ADCY9: variants seen among roughly 807,000 people sequenced by gnomAD.
The protein encoded by ADCY9 is adenylate cyclase type 9.
Under a neutral mutation model 101.5 loss-of-function variants are expected in ADCY9, and 50 were observed. The observed-to-expected ratio is 0.49, with a 90% confidence interval of 0.39 to 0.62. The LOEUF is 0.62. ADCY9 is among the 20% of genes least tolerant of loss of function. ADCY9 has a pLI of 0.00. For synonymous variants in ADCY9, 905 were observed against 769.3 expected, an observed-to-expected ratio of 1.18 and a Z score of -2.92; for missense variants, 1,662 against 1,800.4, an observed-to-expected ratio of 0.92 and a Z score of 1.39.
intron 10 of ADCY9, among the ~76,000 whole-genome samples, chr16:3,968,037 C>T (rs903459399): frequency 2.4e-4 from 36 of 152,102 alleles, no homozygotes; most frequent in African/African-American, 8.0e-4. Flanking sequence ...CATGGCACTT[C>T]AGCTCTAAAT....
intron 10 of ADCY9, among the ~76,000 whole-genome samples, chr16:3,968,932 G>A (rs542083698): frequency 1.8e-4 from 28 of 151,808 alleles, no homozygotes; most frequent in Non-Finnish European, 3.5e-4. Flanking sequence ...CACAAACTCC[G>A]CCTCCTGGGT....
intron 2 of ADCY9, among the ~76,000 whole-genome samples, chr16:4,064,629 T>C (rs905349693): frequency 6.6e-6 from 1 of 151,996 alleles, no homozygotes; most frequent in Non-Finnish European, 1.5e-5. Context: ...GGTACCACTA[T>C]GCCCAGCTAA....
At chr16:3,996,759 G>C (rs939009441) in intron 3 of ADCY9, among the ~76,000 whole-genome samples, 6 of 152,174 alleles carry the variant, frequency 3.9e-5, no homozygotes, top group Non-Finnish European at 8.8e-5. Context: ...ACAGCCCTTG[G>C]TATCTATTCT....
Position 3,996,367 on chromosome 16 carries a change from C to CAT in ADCY9, c.1885-2859_1885-2858dup, listed in dbSNP as rs540835409. ...ACAGAGCAAACCCATTCTCAAAATACATATATATATGTATAAATATGTATA... is the reference window on the plus strand; with the variant it reads ...ACAGAGCAAACCCATTCTCAAAATACATATATATATATGTATAAATATGTATA... On this transcript the variant is annotated intron_variant, in intron 3 of 10. Transcript: ENST00000294016. 4.6e-4 allele frequency among the ~76,000 whole-genome samples: 70 copies of CAT among 152,152 alleles called. 3 individuals are homozygous for CAT. The East Asian group carries it at 6.4e-3, about 14-fold the overall frequency.
intron 10 of ADCY9, among the ~76,000 whole-genome samples, chr16:3,968,260 G>C (rs1482243507): frequency 6.6e-6 from 1 of 151,900 alleles, no homozygotes; most frequent in Non-Finnish European, 1.5e-5. Context: ...AGCCTCCCCA[G>C]TAGCTGGGTT....
chr16:4,107,538 C>T (rs918709090), intron 2 of ADCY9, among the ~76,000 whole-genome samples: 46 of 118,408 alleles, frequency 3.9e-4, no homozygotes, highest in Non-Finnish European at 9.6e-5. Context: ...GTGACACAGC[C>T]AGACTCTGTC....
At chr16:4,028,001 T>A (rs1199390398) in intron 2 of ADCY9, among the ~76,000 whole-genome samples, 1 of 151,672 alleles carries the variant, frequency 6.6e-6, no homozygotes, top group East Asian at 1.9e-4. Flanking sequence ...TCCCACAACA[T>A]GTGGGAATTG....
intron 2 of ADCY9, among the ~76,000 whole-genome samples, chr16:4,011,562 G>C (rs2056404471): frequency 6.6e-6 from 1 of 152,220 alleles, no homozygotes; most frequent in South Asian, 2.1e-4. Context: ...CCCATTACAA[G>C]CAACCAAGCG....
chr16:3,967,532 C>T (rs990392353), intron 10 of ADCY9, among the ~76,000 whole-genome samples: 4 of 151,166 alleles, frequency 2.6e-5, no homozygotes, highest in Non-Finnish European at 5.9e-5. Flanking sequence ...TGGGATTACA[C>T]GCATGTACCA....
rs1336013092 is a variant in ADCY9, at chr16:3,963,222, A to G, written c.*2553T>C. 2.6e-6 allele frequency: 1 copy of G among 389,942 alleles called. No individual in the cohort carries two copies. Among genetic ancestry groups the G allele is most frequent in the Non-Finnish European group, 4.5e-6 (1 of 221,786 alleles). The allele number at this position is 389,942 out of a possible 1,614,324, so 24.2% of individuals were successfully genotyped here. The stretch of plus-strand genomic sequence containing the variant: ...CAAAGCAACTATTTACACACATTCA[A>G]TGCTGAAGTATTGCTTCCTGCCCTA... On this transcript the variant is annotated 3_prime_UTR_variant, in exon 11 of 11. Coordinates refer to ENST00000294016, the MANE Select transcript of ADCY9 (RefSeq NM_001116.4).
intron 2 of ADCY9, among the ~76,000 whole-genome samples, chr16:4,097,557 T>TATATACA (rs1567147096): frequency 2.5e-5 from 2 of 79,678 alleles, no homozygotes; most frequent in African/African-American, 1.5e-4. Context: ...ATATATATTT[T>TATATACA]TTTTTTTTTT....
intron 2 of ADCY9, among the ~76,000 whole-genome samples, chr16:4,054,447 C>A (rs1205149596): frequency 6.6e-6 from 1 of 152,208 alleles, no homozygotes; most frequent in East Asian, 1.9e-4. Flanking sequence ...GATTTTCACT[C>A]AAACCATCTT....
At chr16:3,958,541 CAAAAAAAAAAA>C (rs57920543), downstream of ADCY9, among the ~76,000 whole-genome samples, 14 of 104,198 alleles carry the variant, frequency 1.3e-4, no homozygotes, top group African/African-American at 5.0e-4. Flanking sequence ...AACTCCGTCT[CAAAAAAAAAAA>C]AAAAAAAAAA....
At chr16:4,054,965 T>C (rs2056727432) in intron 2 of ADCY9, among the ~76,000 whole-genome samples, 1 of 152,188 alleles carries the variant, frequency 6.6e-6, no homozygotes, top group African/African-American at 2.4e-5. Flanking sequence ...TTTACATCAG[T>C]AGATCATGAA....
At chr16:3,968,133 T>C (rs2141672871) in intron 10 of ADCY9, among the ~76,000 whole-genome samples, 1 of 152,286 alleles carries the variant, frequency 6.6e-6, no homozygotes, top group Middle Eastern at 3.4e-3. Flanking sequence ...TAACATTCTC[T>C]GATATATTTG....
intron 2 of ADCY9, among the ~76,000 whole-genome samples, chr16:4,021,099 A>C (rs2056473430): frequency 6.6e-6 from 1 of 152,174 alleles, no homozygotes; most frequent in Non-Finnish European, 1.5e-5. Context: ...TATACTATAA[A>C]TTTTACTATG....
intron 2 of ADCY9, among the ~76,000 whole-genome samples, chr16:4,075,083 A>G (rs1235397740): frequency 1.3e-5 from 2 of 152,146 alleles, no homozygotes; most frequent in Admixed American, 1.3e-4. Context: ...AAGCTGAGGT[A>G]GGAGGATCAC....
chr16:4,073,479 T>C (rs1318468271), intron 2 of ADCY9, among the ~76,000 whole-genome samples: 1 of 151,294 alleles, frequency 6.6e-6, no homozygotes, highest in Non-Finnish European at 1.5e-5. Flanking sequence ...CACTGCAACC[T>C]CCACCTCCTG....
chr16:4,026,831 G>A (rs1024914302), intron 2 of ADCY9, among the ~76,000 whole-genome samples: 1 of 152,158 alleles, frequency 6.6e-6, no homozygotes, highest in Non-Finnish European at 1.5e-5. Flanking sequence ...GGTCGGCAGG[G>A]GCCTGGAGGC....
Sources: gnomAD v4.1 joint callset for allele counts (sites outside exome capture counted in the v4.1 genomes callset) on GRCh38, gnomAD v4.1.1 for gene constraint, MANE v1.5 for transcripts, NCBI Gene and HGNC (gene_info 2026-07-23, HGNC 2026-07-21) for gene names.